ROBO1: variants seen among roughly 807,000 people sequenced by gnomAD.
ROBO1 encodes roundabout guidance receptor 1.
ROBO1 carries 149 observed loss-of-function variants against 195.9 expected under a neutral mutation model. The observed-to-expected ratio is 0.76, with a 90% CI of 0.67 to 0.87. ROBO1 has a LOEUF of 0.87. Ranked by LOEUF, ROBO1 falls within the 40% of genes least tolerant of loss-of-function variation. The pLI is 0.00. For synonymous variants in ROBO1, 816 were observed against 733.2 expected (o/e 1.11, Z -1.82); for missense variants, 1,933 against 2,068.3 (o/e 0.93, Z 1.27).
chr3:79,624,335 A>G (rs1945100524), intron 1 of ROBO1, among the ~76,000 whole-genome samples: 1 of 152,180 alleles, frequency 6.6e-6, no homozygotes, highest in South Asian at 2.1e-4. Flanking sequence ...AGGATCAAAT[A>G]CATACATAAC....
intron 2 of ROBO1, among the ~76,000 whole-genome samples, chr3:79,293,028 C>A (rs1230441964): frequency 6.6e-6 from 1 of 152,150 alleles, no homozygotes; most frequent in Non-Finnish European, 1.5e-5. Context: ...GGTTGGTAGG[C>A]TATTAATTAC....
chr3:79,708,389 A>G (rs142230004), intron 1 of ROBO1, among the ~76,000 whole-genome samples: 12 of 152,222 alleles, frequency 7.9e-5, no homozygotes, highest in African/African-American at 2.9e-4. Context: ...TTGAATCTTT[A>G]TTTTCTTATG....
At position 79,543,994 on chromosome 3, in the gene ROBO1, T is replaced by C. The variant is rs148461581; in HGVS notation, c.88+45830A>G. On this transcript the variant is annotated intron_variant, in intron 2 of 30. Transcript: ENST00000464233. Reference sequence around the variant, plus strand: ...AAATGAGGAATGATTTCAGAAAGCATGGTAATTTCACACCATAAAAGTGAC... The same window carrying C: ...AAATGAGGAATGATTTCAGAAAGCACGGTAATTTCACACCATAAAAGTGAC... Among the ~76,000 whole-genome samples, 68 of 152,214 alleles carry C rather than the reference T, an allele frequency of 4.5e-4. No individual in the cohort carries two copies. The South Asian group carries it at 8.3e-3, about 19-fold the overall frequency.
chr3:78,669,997 C>T, intron 11 of ROBO1, 99 bp downstream of exon 11: 1 of 807,676 alleles, frequency 1.2e-6, no homozygotes, highest in Non-Finnish European at 1.9e-6. Context: ...CTTCATTTAA[C>T]ACTTCATTAA....
intron 3 of ROBO1, among the ~76,000 whole-genome samples, chr3:79,056,500 G>A (rs148509037): frequency 2.6e-5 from 4 of 152,046 alleles, no homozygotes; most frequent in Admixed American, 1.3e-4. Context: ...GATAAACAAC[G>A]TATTCAACCT....
chr3:78,601,955 C>T (rs1559631390), intron 29 of ROBO1, among the ~76,000 whole-genome samples: 1 of 151,830 alleles, frequency 6.6e-6, no homozygotes, highest in Non-Finnish European at 1.5e-5. Context: ...CAGGTTTCTA[C>T]TTTCAGCCTA....
intron 3 of ROBO1, among the ~76,000 whole-genome samples, chr3:79,079,246 A>C (rs938636899): frequency 6.6e-6 from 1 of 151,850 alleles, no homozygotes; most frequent in Admixed American, 6.6e-5. Flanking sequence ...TTTAAAAGGC[A>C]TCTATATATA....
At chr3:79,209,439 T>C (rs1268549952) in intron 2 of ROBO1, among the ~76,000 whole-genome samples, 1 of 152,230 alleles carries the variant, frequency 6.6e-6, no homozygotes, top group African/African-American at 2.4e-5. Flanking sequence ...TGAATCATGC[T>C]TCTATAAACA....
At chr3:79,624,766 CA>C in intron 1 of ROBO1, among the ~76,000 whole-genome samples, 1 of 152,130 alleles carries the variant, frequency 6.6e-6, no homozygotes, top group South Asian at 2.1e-4. Flanking sequence ...TTTAACACCC[CA>C]CTGTCTGTAT....
chr3:79,378,601 C>G (rs1326801039), intron 2 of ROBO1, among the ~76,000 whole-genome samples: 1 of 152,188 alleles, frequency 6.6e-6, no homozygotes, highest in African/African-American at 2.4e-5. Context: ...CTCTTCCAAT[C>G]TTTTTCCCTG....
At chr3:79,133,089 C>T (rs2080322939) in intron 2 of ROBO1, among the ~76,000 whole-genome samples, 1 of 384 alleles carries the variant, frequency 2.6e-3, no homozygotes, top group African/African-American at 0.016. Context: ...GAGGGTAACC[C>T]GACCTTTCTC....
chr3:79,118,568 T>G (rs2080052815), intron 3 of ROBO1, among the ~76,000 whole-genome samples: 1 of 152,070 alleles, frequency 6.6e-6, no homozygotes, highest in South Asian at 2.1e-4. Context: ...TTGTAGCTTT[T>G]GCTTATATTT....
At chr3:78,698,553 T>A (rs1051765899) in intron 8 of ROBO1, among the ~76,000 whole-genome samples, 4 of 152,180 alleles carry the variant, frequency 2.6e-5, no homozygotes, top group African/African-American at 7.2e-5. Flanking sequence ...CAATTTTTGC[T>A]GTCACAACTG....
intron 10 of ROBO1, among the ~76,000 whole-genome samples, chr3:78,683,908 T>TAA (rs144397138): frequency 6.8e-6 from 1 of 147,802 alleles, no homozygotes; most frequent in African/African-American, 2.5e-5. Flanking sequence ...ACACTAATCA[T>TAA]AAAAAAAAAA....
At chr3:79,214,607 G>GA (rs1392831105) in intron 2 of ROBO1, among the ~76,000 whole-genome samples, 1 of 151,596 alleles carries the variant, frequency 6.6e-6, no homozygotes, top group African/African-American at 2.4e-5. Flanking sequence ...TTAGGGAAAA[G>GA]AAAAAACAAA....
At chr3:79,407,012 G>A (rs113192917) in intron 2 of ROBO1, among the ~76,000 whole-genome samples, 2,921 of 152,100 alleles carry the variant, frequency 0.019, 34 homozygotes, top group Non-Finnish European at 0.031. Context: ...TCCACCTCTC[G>A]GATTCAAACG....
chr3:79,113,525 T>C (rs967260140), intron 3 of ROBO1, among the ~76,000 whole-genome samples: 2 of 152,074 alleles, frequency 1.3e-5, no homozygotes, highest in African/African-American at 4.8e-5. Flanking sequence ...CCCAGCACTT[T>C]GGGAGGCCGA....
chr3:79,288,583 G>A (rs557528500), intron 2 of ROBO1, among the ~76,000 whole-genome samples: 1 of 152,266 alleles, frequency 6.6e-6, no homozygotes, highest in East Asian at 1.9e-4. Context: ...ATCTGGAAAT[G>A]TTTGAAATCA....
intron 2 of ROBO1, among the ~76,000 whole-genome samples, chr3:79,226,033 T>A (rs2108839058): frequency 6.6e-6 from 1 of 152,308 alleles, no homozygotes; most frequent in Admixed American, 6.5e-5. Context: ...CACAACCTCC[T>A]GTCTTACAGT....
Sources: gnomAD v4.1 joint callset for allele counts (sites outside exome capture counted in the v4.1 genomes callset) on GRCh38, gnomAD v4.1.1 for gene constraint, MANE v1.5 for transcripts, NCBI Gene and HGNC (gene_info 2026-07-23, HGNC 2026-07-21) for gene names.